ABCC9: variants seen among roughly 807,000 people sequenced by gnomAD.
ABCC9 encodes the protein ATP binding cassette subfamily C member 9, also known as ATP-binding cassette sub-family C member 9.
A neutral mutation model predicts 188.3 loss-of-function variants in ABCC9; 95 were observed. The ratio of observed to expected loss-of-function variants is 0.50; its 90% CI spans 0.43 to 0.60. The LOEUF is 0.60. ABCC9 is among the 20% of genes least tolerant of loss of function. ABCC9 has a pLI of 0.00. For missense variants in ABCC9, 1,102 were observed against 1,876.3 expected (o/e 0.59, Z 7.62); for synonymous variants, 659 against 652.7 (o/e 1.01, Z -0.15).
At chr12:21,839,302 G>A (rs1225104565) in intron 29 of ABCC9, among the ~76,000 whole-genome samples, 1 of 152,170 alleles carries the variant, frequency 6.6e-6, no homozygotes, top group Non-Finnish European at 1.5e-5. Context: ...ATATAGCTTG[G>A]CTATTTCTAG....
chr12:21,837,332 T>G (rs1458628158), intron 30 of ABCC9, among the ~76,000 whole-genome samples: 1 of 152,186 alleles, frequency 6.6e-6, no homozygotes, highest in Non-Finnish European at 1.5e-5. Context: ...TCTCTCTATA[T>G]TCTACTCTGT....
At position 21,915,355 on chromosome 12, in the gene ABCC9, ATAATGTGTATATATG is replaced by A. The variant is rs1257624290; in HGVS notation, c.816+298_816+312del. Among the ~76,000 whole-genome samples the A allele has an allele frequency of 9.1e-4, 132 of 145,108 alleles. 2 individuals are homozygous for A. The highest frequency in any genetic ancestry group is 3.6e-3 in the Middle Eastern group (1 of 274). ...TATATATAGACATGTGTATGTATAT[ATAATGTGTATATATG>A]TGTGTATATATAGACATGTGTATAT... On this transcript the variant is annotated intron_variant, in intron 7 of 39. Coordinates refer to ENST00000261200, the MANE Select transcript of ABCC9 (RefSeq NM_020297.4).
In ABCC9 at chr12:21,798,233, TA is replaced by T. The variant is rs1240121499; in HGVS notation, c.*2810del. 2.6e-5 allele frequency: 4 copies of T among 152,202 alleles called. No individual in the cohort carries two copies. The highest frequency in any genetic ancestry group is 5.9e-5 in the Non-Finnish European group (4 of 68,034). The allele number at this position is 152,202 out of a possible 1,614,324, so 9.4% of individuals were successfully genotyped here. ...TAGCAATATAATAAGAAAATATCAT[TA>T]AAAGATTACTTCCACAATGGTTGAA... On this transcript the variant is annotated 3_prime_UTR_variant, in exon 40 of 40. Transcript: ENST00000261200.
chr12:21,913,868 CCT>C (rs1249600073), intron 7 of ABCC9, among the ~76,000 whole-genome samples: 1 of 152,088 alleles, frequency 6.6e-6, no homozygotes, highest in African/African-American at 2.4e-5. Flanking sequence ...TATGCAACCC[CCT>C]GTTAAACTAA....
At chr12:21,846,294 G>A (rs1944667792) in intron 25 of ABCC9, among the ~76,000 whole-genome samples, 1 of 152,208 alleles carries the variant, frequency 6.6e-6, no homozygotes, top group Non-Finnish European at 1.5e-5. Flanking sequence ...GAAACTTCCA[G>A]TGGGCAAAGC....
At chr12:21,918,203 G>C (rs1387397869) in intron 5 of ABCC9, among the ~76,000 whole-genome samples, 1 of 151,734 alleles carries the variant, frequency 6.6e-6, no homozygotes, top group African/African-American at 2.4e-5. Flanking sequence ...ATTATTATCA[G>C]AAATAAAAAA....
chr12:21,844,402 G>A, intron 28 of ABCC9, 81 bp downstream of exon 28: 1 of 1,171,296 alleles, frequency 8.5e-7, no homozygotes, highest in African/African-American at 1.5e-5. Context: ...TTGTTAATAG[G>A]AATTATACTT....
intron 36 of ABCC9, among the ~76,000 whole-genome samples, chr12:21,811,580 C>A (rs1413304440): frequency 6.6e-6 from 1 of 152,018 alleles, no homozygotes; most frequent in African/African-American, 2.4e-5. Flanking sequence ...GATATCCCCC[C>A]CGCCCTTTTT....
chr12:21,798,825 T>C lies in ABCC9; in HGVS notation c.*2219A>G, dbSNP rs1413021570. 3 of 145,980 alleles carry C rather than the reference T, an allele frequency of 2.1e-5. No homozygotes were observed. Among genetic ancestry groups the C allele is most frequent in the African/African-American group, 7.6e-5 (3 of 39,300 alleles). 9.0% of individuals were successfully genotyped at this position (145,980 alleles called of 1,614,324 possible). On this transcript the variant is annotated 3_prime_UTR_variant, in exon 40 of 40. Coordinates refer to ENST00000261200, the MANE Select transcript of ABCC9 (RefSeq NM_020297.4). Reference sequence around the variant, plus strand: ...ATGTTTATTGCGGCATTATTCACAATAGCAAAGACTTGGAACCAACCCAAA... The same window carrying C: ...ATGTTTATTGCGGCATTATTCACAACAGCAAAGACTTGGAACCAACCCAAA...
chr12:21,811,642 A>G (rs577209015), intron 36 of ABCC9, among the ~76,000 whole-genome samples: 61 of 151,980 alleles, frequency 4.0e-4, no homozygotes, highest in African/African-American at 1.3e-3. Flanking sequence ...AGCTTTATTC[A>G]TAGCAATTTT....
chr12:21,828,074 C>T (rs148148025), intron 31 of ABCC9, among the ~76,000 whole-genome samples: 4 of 152,186 alleles, frequency 2.6e-5, no homozygotes, highest in Admixed American at 2.6e-4. Flanking sequence ...ATAAGATTCT[C>T]TCAATAGTAG....
intron 30 of ABCC9, among the ~76,000 whole-genome samples, chr12:21,830,896 T>C (rs1178111132): frequency 6.6e-6 from 1 of 152,054 alleles, no homozygotes; most frequent in Non-Finnish European, 1.5e-5. Context: ...GGGATGAATA[T>C]AGAGAACAAC....
At chr12:21,820,828 C>T (rs1942996498) in intron 31 of ABCC9, among the ~76,000 whole-genome samples, 1 of 152,146 alleles carries the variant, frequency 6.6e-6, no homozygotes, top group South Asian at 2.1e-4. Flanking sequence ...TGGCTCTTCT[C>T]TTTCCCATTG....
chr12:21,923,687 A>T, intron 5 of ABCC9: 1 of 589,844 alleles, frequency 1.7e-6, no homozygotes, highest in East Asian at 2.8e-5. Flanking sequence ...AAAAAATGAT[A>T]CAAACATTTT....
intron 11 of ABCC9, among the ~76,000 whole-genome samples, chr12:21,907,029 A>G (rs1948078612): frequency 6.6e-6 from 1 of 152,108 alleles, no homozygotes; most frequent in Admixed American, 6.6e-5. Flanking sequence ...AAGGGGCAGT[A>G]GAGTGGTCAA....
chr12:21,899,396 C>T (rs781215560), intron 12 of ABCC9, among the ~76,000 whole-genome samples: 10 of 152,286 alleles, frequency 6.6e-5, no homozygotes, highest in Middle Eastern at 6.8e-3. Flanking sequence ...ATGCAGAAGA[C>T]GGGTGACTTC....
chr12:21,885,901 A>T (rs1300294740), intron 15 of ABCC9, among the ~76,000 whole-genome samples: 1 of 152,196 alleles, frequency 6.6e-6, no homozygotes, highest in African/African-American at 2.4e-5. Flanking sequence ...TATAATATAG[A>T]TTGATTTCCT....
intron 39 of ABCC9, 68 bp from the exon 40 acceptor site, chr12:21,801,249 T>C: frequency 1.3e-6 from 2 of 1,576,096 alleles, no homozygotes; most frequent in Non-Finnish European, 1.7e-6. Flanking sequence ...ATGGAATATG[T>C]ATATTTCATG....
chr12:21,798,241 T>G lies in ABCC9; in HGVS notation c.*2803A>C, dbSNP rs1391830681. Reference sequence around the variant, plus strand: ...TAATAAGAAAATATCATTAAAAGATTACTTCCACAATGGTTGAACTAGTTT... The same window carrying G: ...TAATAAGAAAATATCATTAAAAGATGACTTCCACAATGGTTGAACTAGTTT... On this transcript the variant is annotated 3_prime_UTR_variant, in exon 40 of 40. Transcript: ENST00000261200. 6.6e-6 allele frequency: 1 copy of G among 152,192 alleles called. No homozygotes were observed. The highest frequency in any genetic ancestry group is 1.5e-5 in the Non-Finnish European group (1 of 68,030). The allele number at this position is 152,192 out of a possible 1,614,324, so 9.4% of individuals were successfully genotyped here.
Sources: allele counts gnomAD v4.1 joint callset (sites outside exome capture counted in the v4.1 genomes callset), GRCh38; gene constraint gnomAD v4.1.1; transcripts MANE v1.5; gene names NCBI Gene and HGNC (gene_info 2026-07-23, HGNC 2026-07-21).